NCKAP5: variants seen among roughly 807,000 people sequenced by gnomAD.
The protein encoded by NCKAP5 is nck-associated protein 5.
NCKAP5 carries 92 observed loss-of-function variants against 167.0 expected under a neutral mutation model. That is an observed-to-expected ratio of 0.55 (90% CI 0.47 to 0.66). The LOEUF is 0.66. NCKAP5 is among the 30% of genes least tolerant of loss of function. The pLI is 0.00. For synonymous variants in NCKAP5, 891 were observed against 877.4 expected, an observed-to-expected ratio of 1.02 and a Z score of -0.27; for missense variants, 2,378 against 2,315.0, an observed-to-expected ratio of 1.03 and a Z score of -0.56.
chr2:133,330,040 A>C (rs1682727422), intron 3 of NCKAP5, among the ~76,000 whole-genome samples: 1 of 149,682 alleles, frequency 6.7e-6, no homozygotes, highest in African/African-American at 2.5e-5. Context: ...GAATGTGGCC[A>C]AGAAAGCAAG....
chr2:133,427,677 ACAATG>A (rs1483144468), intron 3 of NCKAP5, among the ~76,000 whole-genome samples: 1 of 152,180 alleles, frequency 6.6e-6, no homozygotes, highest in African/African-American at 2.4e-5. Flanking sequence ...TAAGAAAATC[ACAATG>A]CAATGTGAGA....
chr2:132,892,785 G>T (rs1035196257), intron 8 of NCKAP5, among the ~76,000 whole-genome samples: 8 of 152,014 alleles, frequency 5.3e-5, no homozygotes, highest in Non-Finnish European at 1.2e-4. Flanking sequence ...GTGTTGCAGA[G>T]ATAGTTTATT....
intron 5 of NCKAP5, among the ~76,000 whole-genome samples, chr2:133,194,398 G>C (rs1254906291): frequency 1.3e-5 from 2 of 152,008 alleles, no homozygotes; most frequent in Non-Finnish European, 2.9e-5. Flanking sequence ...ACATACGGTA[G>C]GAACAATACT....
At chr2:133,472,244 C>T (rs967462102) in intron 3 of NCKAP5, among the ~76,000 whole-genome samples, 1 of 151,988 alleles carries the variant, frequency 6.6e-6, no homozygotes, top group African/African-American at 2.4e-5. Flanking sequence ...AACATGTTTT[C>T]TCACAGTTGT....
chr2:133,153,594 T>G, intron 5 of NCKAP5, among the ~76,000 whole-genome samples: 1 of 152,088 alleles, frequency 6.6e-6, no homozygotes, highest in East Asian at 1.9e-4. Context: ...CCTTCTACCT[T>G]CAGAATAAAG....
intron 2 of NCKAP5, among the ~76,000 whole-genome samples, chr2:133,539,312 A>G (rs1307442050): frequency 1.3e-5 from 2 of 152,136 alleles, no homozygotes; most frequent in Non-Finnish European, 2.9e-5. Context: ...GTGTCTGGTA[A>G]GCTTCCCAGA....
intron 3 of NCKAP5, among the ~76,000 whole-genome samples, chr2:133,425,999 C>CGGTGG (rs1559475466): frequency 6.6e-6 from 1 of 152,150 alleles, no homozygotes; most frequent in East Asian, 1.9e-4. Flanking sequence ...AGGCCAGGCA[C>CGGTGG]GGTGGCTCAT....
At chr2:133,504,862 T>C (rs549130320) in intron 3 of NCKAP5, among the ~76,000 whole-genome samples, 1 of 152,278 alleles carries the variant, frequency 6.6e-6, no homozygotes, top group South Asian at 2.1e-4. Flanking sequence ...TGAGTCTTTT[T>C]TCCCCCTATC....
chr2:132,773,768 A>G (rs767941336), intron 16 of NCKAP5, 48 bp downstream of exon 16: 10 of 1,419,312 alleles, frequency 7.0e-6, no homozygotes, highest in Non-Finnish European at 9.9e-6. Flanking sequence ...AGAAGGATAC[A>G]TTTAGAATAA....
intron 6 of NCKAP5, among the ~76,000 whole-genome samples, chr2:133,021,433 G>T (rs1430984332): frequency 6.6e-6 from 1 of 152,190 alleles, no homozygotes; most frequent in Non-Finnish European, 1.5e-5. Flanking sequence ...CTGAATATAT[G>T]TTAGAATGCT....
chr2:133,667,547 T>C, the NCKAP5 span, among the ~76,000 whole-genome samples: 29 of 152,196 alleles, frequency 1.9e-4, no homozygotes, highest in South Asian at 5.4e-3. Flanking sequence ...AAGCCCTTGC[T>C]GACTTTCTAC....
chr2:133,183,202 C>T (rs1192350120), intron 5 of NCKAP5, among the ~76,000 whole-genome samples: 1 of 152,030 alleles, frequency 6.6e-6, no homozygotes, highest in African/African-American at 2.4e-5. Context: ...AGAATTAACA[C>T]CAATTTTATA....
chr2:132,923,937 A>T (rs1474064766), intron 8 of NCKAP5, among the ~76,000 whole-genome samples: 1 of 152,202 alleles, frequency 6.6e-6, no homozygotes, highest in African/African-American at 2.4e-5. Flanking sequence ...GATCTGACAC[A>T]TTAAAAGCTG....
At chr2:132,749,857 A>G (rs1679964469) in intron 16 of NCKAP5, among the ~76,000 whole-genome samples, 2 of 152,224 alleles carry the variant, frequency 1.3e-5, no homozygotes, top group African/African-American at 2.4e-5. Context: ...TTCAGTATCT[A>G]GCAGAGCCCT....
chr2:132,960,374 G>A (rs1215191818), intron 8 of NCKAP5, among the ~76,000 whole-genome samples: 2 of 152,108 alleles, frequency 1.3e-5, no homozygotes, highest in Admixed American at 6.5e-5. Flanking sequence ...AGCTGGCCAC[G>A]TTCTAAGGCG....
At chr2:133,118,790 C>A (rs2082161900) in intron 6 of NCKAP5, 1 of 152,092 alleles carries the variant, frequency 6.6e-6, no homozygotes, top group Non-Finnish European at 1.5e-5. Context: ...CATTAAATGG[C>A]TACACAGTCC....
At chr2:133,533,334 T>C (rs1357472328) in intron 2 of NCKAP5, among the ~76,000 whole-genome samples, 3 of 152,246 alleles carry the variant, frequency 2.0e-5, no homozygotes, top group Non-Finnish European at 2.9e-5. Context: ...AGATCATCTA[T>C]GTAAAATCTC....
At chr2:132,679,928 AG>A (rs1684986626) in intron 19 of NCKAP5, among the ~76,000 whole-genome samples, 1 of 152,142 alleles carries the variant, frequency 6.6e-6, no homozygotes, top group African/African-American at 2.4e-5. Context: ...GCCAACCTCA[AG>A]GGAAAAGATG....
At chr2:133,066,309 A>G (rs1471676348) in intron 6 of NCKAP5, among the ~76,000 whole-genome samples, 1 of 152,192 alleles carries the variant, frequency 6.6e-6, no homozygotes, top group Non-Finnish European at 1.5e-5. Flanking sequence ...GTTTTCAATA[A>G]GTGTTCCTTG....
Sources: gnomAD v4.1 joint callset for allele counts (sites outside exome capture counted in the v4.1 genomes callset) on GRCh38, gnomAD v4.1.1 for gene constraint, MANE v1.5 for transcripts, NCBI Gene and HGNC (gene_info 2026-07-23, HGNC 2026-07-21) for gene names.